MACROD2: variants seen among roughly 807,000 people sequenced by gnomAD.
MACROD2 encodes mono-ADP ribosylhydrolase 2.
MACROD2 carries 36 observed loss-of-function variants against 70.4 expected under a neutral mutation model. The observed-to-expected ratio is 0.51, with a 90% CI of 0.39 to 0.68. The LOEUF (loss-of-function observed/expected upper bound fraction) is 0.68, where lower values mean the gene tolerates loss of function less well. MACROD2 is among the 30% of genes least tolerant of loss of function. MACROD2 has a pLI of 0.00. For missense variants in MACROD2, 496 were observed against 538.4 expected (o/e 0.92, Z 0.78); for synonymous variants, 172 against 178.8 (o/e 0.96, Z 0.30).
At chr20:15,405,963 A>G (rs570900492) in intron 6 of MACROD2, among the ~76,000 whole-genome samples, 3 of 152,316 alleles carry the variant, frequency 2.0e-5, no homozygotes, top group South Asian at 2.1e-4. Flanking sequence ...AGTGTCTGAC[A>G]CGCAGTAAGG....
intron 3 of MACROD2, among the ~76,000 whole-genome samples, chr20:14,190,152 A>G (rs1569198517): frequency 6.6e-6 from 1 of 152,204 alleles, no homozygotes; most frequent in Admixed American, 6.5e-5. Flanking sequence ...GGACCTGGAT[A>G]TGCCACTTTA....
At chr20:14,971,630 A>G (rs2122803127) in intron 5 of MACROD2, among the ~76,000 whole-genome samples, 1 of 151,994 alleles carries the variant, frequency 6.6e-6, no homozygotes, top group Non-Finnish European at 1.5e-5. Flanking sequence ...TCCCTCATGC[A>G]ATTGTAGTTT....
At chr20:14,618,060 C>A (rs1983583346) in intron 4 of MACROD2, among the ~76,000 whole-genome samples, 1 of 152,038 alleles carries the variant, frequency 6.6e-6, no homozygotes, top group Non-Finnish European at 1.5e-5. Flanking sequence ...ATGATTTAAC[C>A]AAAGCTCACT....
intron 5 of MACROD2, among the ~76,000 whole-genome samples, chr20:15,000,440 G>A (rs370511651): frequency 1.5e-5 from 2 of 131,450 alleles, no homozygotes; most frequent in South Asian, 2.2e-4. Context: ...TGGCTAACAC[G>A]GTGAAACCCC....
At chr20:15,353,029 G>C (rs1450485488) in intron 6 of MACROD2, among the ~76,000 whole-genome samples, 9 of 151,820 alleles carry the variant, frequency 5.9e-5, no homozygotes, top group African/African-American at 2.2e-4. Flanking sequence ...AACCAAAAAA[G>C]AGCCCGCATT....
At chr20:15,511,831 A>G (rs192072470) in intron 8 of MACROD2, among the ~76,000 whole-genome samples, 136 of 152,304 alleles carry the variant, frequency 8.9e-4, no homozygotes, top group African/African-American at 3.2e-3. Context: ...CTCACCTGTA[A>G]GATAAGGTGA....
chr20:14,998,404 A>G (rs1254640567), intron 5 of MACROD2, among the ~76,000 whole-genome samples: 2 of 152,180 alleles, frequency 1.3e-5, no homozygotes, highest in Non-Finnish European at 2.9e-5. Context: ...ATCATATCAG[A>G]TAAATTTAAC....
chr20:15,958,240 G>A (rs1030239091), intron 12 of MACROD2, among the ~76,000 whole-genome samples: 4 of 152,134 alleles, frequency 2.6e-5, no homozygotes, highest in Admixed American at 2.0e-4. Context: ...TTTACATAGT[G>A]TCCGGCAAAC....
rs562952689 is a variant in MACROD2 at position 14,247,957 on chromosome 20, C to G, written c.271+162229C>G. Among the ~76,000 whole-genome samples the G allele has an allele frequency of 9.8e-5, 15 of 152,306 alleles. No homozygotes were observed. The South Asian group carries it at 3.1e-3, about 32-fold the overall frequency. ...TAGCCTTTTAATCAAAACACAGCAT[C>G]ATAGGTGGAGACTGAAAGCCTGCTG... On this transcript the variant is annotated intron_variant, in intron 3 of 17. Transcript: ENST00000684519.
intron 3 of MACROD2, among the ~76,000 whole-genome samples, chr20:14,093,102 C>T (rs1200958721): frequency 6.6e-6 from 1 of 152,064 alleles, no homozygotes; most frequent in Non-Finnish European, 1.5e-5. Flanking sequence ...TTTTTAAAGA[C>T]AGGAATCTCA....
At chr20:14,075,520 G>T (rs1044772723) in intron 2 of MACROD2, among the ~76,000 whole-genome samples, 1 of 152,056 alleles carries the variant, frequency 6.6e-6, no homozygotes, top group Non-Finnish European at 1.5e-5. Context: ...AACTTCACTG[G>T]CTTCTCTAGG....
At chr20:15,163,880 A>T (rs892070061) in intron 5 of MACROD2, among the ~76,000 whole-genome samples, 1 of 152,182 alleles carries the variant, frequency 6.6e-6, no homozygotes, top group African/African-American at 2.4e-5. Flanking sequence ...ATAAATATTT[A>T]TCAAAACCCA....
chr20:14,366,095 A>G (rs1002737889), intron 3 of MACROD2, among the ~76,000 whole-genome samples: 5 of 152,066 alleles, frequency 3.3e-5, no homozygotes, highest in Admixed American at 1.3e-4. Flanking sequence ...GGAGTGTCCT[A>G]TATGTATCTG....
intron 7 of MACROD2, among the ~76,000 whole-genome samples, chr20:15,475,448 C>A (rs549787310): frequency 4.5e-4 from 69 of 152,336 alleles, no homozygotes; most frequent in African/African-American, 1.7e-3. Context: ...GGGACAAATT[C>A]TTTTCCTTGG....
At chr20:14,020,620 A>G (rs888720644) in intron 2 of MACROD2, among the ~76,000 whole-genome samples, 11 of 152,044 alleles carry the variant, frequency 7.2e-5, no homozygotes, top group Non-Finnish European at 1.3e-4. Context: ...TGGGAATCAG[A>G]TTTCTCCCTT....
At chr20:15,365,159 A>T (rs1194083512) in intron 6 of MACROD2, among the ~76,000 whole-genome samples, 2 of 151,628 alleles carry the variant, frequency 1.3e-5, no homozygotes, top group Non-Finnish European at 2.9e-5. Flanking sequence ...CTTTTAAATT[A>T]TTCTTTGGGG....
intron 8 of MACROD2, among the ~76,000 whole-genome samples, chr20:15,830,549 A>T (rs2064044010): frequency 6.6e-6 from 1 of 152,216 alleles, no homozygotes; most frequent in East Asian, 1.9e-4. Context: ...AACGACACAG[A>T]ATGAGGAGCG....
At chr20:14,711,740 T>G (rs1455336130) in intron 5 of MACROD2, among the ~76,000 whole-genome samples, 2 of 152,168 alleles carry the variant, frequency 1.3e-5, no homozygotes, top group African/African-American at 4.8e-5. Flanking sequence ...TATTTCCAAT[T>G]GACTTATAGA....
intron 8 of MACROD2, among the ~76,000 whole-genome samples, chr20:15,838,262 G>A (rs183909621): frequency 4.0e-4 from 61 of 152,204 alleles, no homozygotes; most frequent in African/African-American, 1.4e-3. Flanking sequence ...AGCTCCCAAT[G>A]CTCTTCAGTG....
Sources: gnomAD v4.1 joint callset for allele counts (sites outside exome capture counted in the v4.1 genomes callset) on GRCh38, gnomAD v4.1.1 for gene constraint, MANE v1.5 for transcripts, NCBI Gene and HGNC (gene_info 2026-07-23, HGNC 2026-07-21) for gene names.